IMPG2: variants seen among roughly 807,000 people sequenced by gnomAD.
IMPG2 encodes interphotoreceptor matrix proteoglycan 2.
IMPG2 carries 91 observed loss-of-function variants against 129.2 expected under a neutral mutation model. The observed-to-expected ratio is 0.70, with a 90% confidence interval of 0.59 to 0.84. The LOEUF (loss-of-function observed/expected upper bound fraction) is 0.84. Ranked by LOEUF, IMPG2 falls within the 40% of genes least tolerant of loss-of-function variation. The pLI, the probability that IMPG2 is intolerant of heterozygous loss-of-function variation, is 0.00. For synonymous variants in IMPG2, 510 were observed against 517.7 expected, an observed-to-expected ratio of 0.99 and a Z score of 0.20; for missense variants, 1,430 against 1,461.7, an observed-to-expected ratio of 0.98 and a Z score of 0.35.
At chr3:101,231,253 A>C (rs978602786) in intron 15 of IMPG2, 108 bp from the exon 16 acceptor site, 10 of 1,032,254 alleles carry the variant, frequency 9.7e-6, no homozygotes, top group Admixed American at 5.2e-5. Context: ...ATAAATGCTG[A>C]CCACGTGAAG....
At chr3:101,236,068 A>G (rs1342892843) in intron 14 of IMPG2, among the ~76,000 whole-genome samples, 2 of 152,246 alleles carry the variant, frequency 1.3e-5, no homozygotes, top group South Asian at 2.1e-4. Flanking sequence ...AATGCCTGAT[A>G]GAATCAACTG....
chr3:101,318,923 T>G (rs1986294), intron 2 of IMPG2, among the ~76,000 whole-genome samples: 110,155 of 152,014 alleles, frequency 0.72, 40,877 homozygotes, highest in East Asian at 0.84. Context: ...AAATGTGAGA[T>G]TTTGAGAAAT....
chr3:101,243,862 G>A lies in IMPG2; in HGVS notation c.2469C>T (p.Ile823=), dbSNP rs1376314967. ...TTACTTCATCCTCTAGCAGGGTGGA[G>A]ATTGTGGTTGGAGGCAATTTGGTAG... ...TQSTKLPPTT[I]STLLEDEVIM... The change falls in exon 13 of 19, where the codon ATC becomes ATT. Residue 823 remains isoleucine (I), a synonymous_variant. Coordinates refer to ENST00000193391, the MANE Select transcript of IMPG2 (RefSeq NM_016247.4). 3 of 1,614,066 alleles carry A rather than the reference G, an allele frequency of 1.9e-6. No individual in the cohort carries two copies. Among genetic ancestry groups the A allele is most frequent in the Non-Finnish European group, 2.5e-6 (3 of 1,180,032 alleles).
rs377736907 is a variant in IMPG2, at chr3:101,250,608, T to C, written c.1239+3088A>G. ...GCAGCCAAGTCTCTAGATTTCTCAG[T>C]GCCAGTGCTTTTCCCACTAACAGCT... On this transcript the variant is annotated intron_variant, in intron 11 of 18. Coordinates refer to ENST00000193391, the MANE Select transcript of IMPG2 (RefSeq NM_016247.4). 2.0e-5 allele frequency among the ~76,000 whole-genome samples: 3 copies of C among 152,196 alleles called. No individual in the cohort carries two copies. The East Asian group carries it at 5.8e-4, about 29-fold the overall frequency.
intron 16 of IMPG2, among the ~76,000 whole-genome samples, chr3:101,229,869 A>G (rs1056769515): frequency 6.6e-6 from 1 of 152,202 alleles, no homozygotes; most frequent in Non-Finnish European, 1.5e-5. Flanking sequence ...GTTGGAAACT[A>G]TGTCTGCCAG....
At chr3:101,301,161 TA>T (rs1156852987) in intron 3 of IMPG2, among the ~76,000 whole-genome samples, 7 of 152,304 alleles carry the variant, frequency 4.6e-5, no homozygotes, top group African/African-American at 1.7e-4. Context: ...CTTACATGGA[TA>T]TTGTTCATGG....
rs1452037890 is a variant in IMPG2 at position 101,224,413 on chromosome 3, A to T, written c.*2556T>A. The T allele has an allele frequency of 6.6e-6, 1 of 152,232 alleles. No individual in the cohort carries two copies. The highest frequency in any genetic ancestry group is 1.5e-5 in the Non-Finnish European group (1 of 68,044). The allele number at this position is 152,232 out of a possible 1,614,324, so 9.4% of individuals were successfully genotyped here. A position where few individuals can be genotyped will look rare whatever the true frequency, so the allele number is the denominator to read the frequency against. ...AACTGCATTTTAGTATTTTCACATA[A>T]GGTGATAGTCTTGTTGAATATTATA... On this transcript the variant is annotated 3_prime_UTR_variant, in exon 19 of 19. Coordinates refer to ENST00000193391, the MANE Select transcript of IMPG2 (RefSeq NM_016247.4).
Position 101,229,494 on chromosome 3 carries a change from A to G in IMPG2, c.3519T>C (p.Tyr1173=). Residue 1173 remains tyrosine (Y), a synonymous_variant, in exon 17 of 19, where the codon TAT becomes TAC. Transcript: ENST00000193391. ...AGGGATGCTGAGGATAGGGTCCCTC[A>G]TACTTCTCACATCCAGCCCTGTGAC... ...YESHRAGCEK[Y]EGPYPQHPFY... The G allele has an allele frequency of 2.5e-6, 4 of 1,613,648 alleles. No homozygotes were observed. Among genetic ancestry groups the G allele is most frequent in the Non-Finnish European group, 3.4e-6 (4 of 1,179,996 alleles).
intron 18 of IMPG2, among the ~76,000 whole-genome samples, chr3:101,228,244 A>G (rs1383792066): frequency 6.6e-6 from 1 of 152,256 alleles, no homozygotes; most frequent in Non-Finnish European, 1.5e-5. Flanking sequence ...TAAACTTGAT[A>G]GAGGCAAGAG....
At chr3:101,318,835 A>C (rs909238618) in intron 2 of IMPG2, among the ~76,000 whole-genome samples, 6 of 152,160 alleles carry the variant, frequency 3.9e-5, no homozygotes, top group Admixed American at 3.9e-4. Context: ...TCAATTAAGC[A>C]ATTTAGTAAA....
chr3:101,320,397 G>A lies in IMPG2; in HGVS notation c.-25C>T. 1 of 1,436,410 alleles carries A rather than the reference G, an allele frequency of 7.0e-7. No homozygotes were observed. The highest frequency in any genetic ancestry group is 9.8e-7 in the Non-Finnish European group (1 of 1,020,080). 89.0% of individuals were successfully genotyped at this position (1,436,410 alleles called of 1,614,324 possible). A position where few individuals can be genotyped will look rare whatever the true frequency, so the allele number is the denominator to read the frequency against. ...TTTGGGCCAAAACCAAAGGAATGAG[G>A]AGAGGACAGAATCCTTAATTGAGTG... is the stretch of plus-strand genomic sequence containing the variant. On this transcript the variant is annotated 5_prime_UTR_variant, in exon 1 of 19. Transcript: ENST00000193391.
At chr3:101,293,899 T>G (rs751528330) in intron 3 of IMPG2, among the ~76,000 whole-genome samples, 3 of 152,226 alleles carry the variant, frequency 2.0e-5, no homozygotes, top group African/African-American at 4.8e-5. Flanking sequence ...TCAGCCTTCA[T>G]AGAATTGAAA....
chr3:101,294,416 A>G (rs1369882811), intron 3 of IMPG2, among the ~76,000 whole-genome samples: 1 of 152,174 alleles, frequency 6.6e-6, no homozygotes, highest in Non-Finnish European at 1.5e-5. Context: ...TGCAAAGGAC[A>G]TGCTCTCATT....
chr3:101,276,383 G>T (rs1354476144), intron 5 of IMPG2, among the ~76,000 whole-genome samples: 2 of 152,128 alleles, frequency 1.3e-5, no homozygotes, highest in Non-Finnish European at 2.9e-5. Flanking sequence ...TGGCTACAGA[G>T]TGTTTGCCTT....
chr3:101,231,196 G>A, intron 15 of IMPG2, 51 bp from the exon 16 acceptor site: 1 of 1,545,668 alleles, frequency 6.5e-7, no homozygotes, highest in South Asian at 1.1e-5. Context: ...TGCTCACACT[G>A]ACAATTAACA....
intron 10 of IMPG2, among the ~76,000 whole-genome samples, chr3:101,254,363 A>G (rs1167939663): frequency 6.6e-6 from 1 of 152,152 alleles, no homozygotes; most frequent in Non-Finnish European, 1.5e-5. Flanking sequence ...ATAAACATCA[A>G]TAAAGCCAAG....
rs558032860 is a variant in IMPG2 at position 101,301,948 on chromosome 3, T to C, written c.501+2198A>G. The stretch of plus-strand genomic sequence containing the variant: ...AACCCTTCAATGGTTTCCTGCGATC[T>C]ACAGAGTTAAATCCAAGCTTGTTCA... On this transcript the variant is annotated intron_variant, in intron 3 of 18. Coordinates refer to ENST00000193391, the MANE Select transcript of IMPG2 (RefSeq NM_016247.4). Among the ~76,000 whole-genome samples the C allele has an allele frequency of 3.9e-5, 6 of 152,334 alleles. No individual in the cohort carries two copies. In the South Asian group the frequency reaches 1.2e-3, roughly 32 times the overall value.
intron 2 of IMPG2, among the ~76,000 whole-genome samples, chr3:101,306,451 A>C (rs922735313): frequency 2.0e-5 from 3 of 152,200 alleles, no homozygotes; most frequent in Non-Finnish European, 4.4e-5. Context: ...AGAACTTCTG[A>C]CCATACAGCA....
intron 2 of IMPG2, among the ~76,000 whole-genome samples, chr3:101,307,556 TA>T (rs1192022594): frequency 6.6e-6 from 1 of 152,110 alleles, no homozygotes; most frequent in Non-Finnish European, 1.5e-5. Context: ...GAAAGCCCCT[TA>T]AAAAGCTATC....
Sources: allele counts gnomAD v4.1 joint callset (sites outside exome capture counted in the v4.1 genomes callset), GRCh38; gene constraint gnomAD v4.1.1; transcripts MANE v1.5; gene names NCBI Gene and HGNC (gene_info 2026-07-23, HGNC 2026-07-21).